The following MEI4 variants were observed in gnomAD, a reference collection of about 807,000 sequenced individuals.
MEI4 encodes meiosis-specific protein MEI4.
MEI4 carries 27 observed loss-of-function variants against 31.4 expected under a neutral mutation model. That is an observed-to-expected ratio of 0.86 (90% CI 0.63 to 1.19). The LOEUF (loss-of-function observed/expected upper bound fraction) is 1.19, where lower values mean the gene tolerates loss of function less well. Among genes scored for constraint, MEI4 ranks in the 50% most tolerant of loss-of-function variants. The pLI is 0.00. For synonymous variants in MEI4, 122 were observed against 145.4 expected, an observed-to-expected ratio of 0.84 and a Z score of 1.16; for missense variants, 329 against 398.9, an observed-to-expected ratio of 0.82 and a Z score of 1.49.
At chr6:77,730,438 G>C (rs1219928183) in intron 2 of MEI4, among the ~76,000 whole-genome samples, 1 of 151,902 alleles carries the variant, frequency 6.6e-6, no homozygotes, top group Non-Finnish European at 1.5e-5. Flanking sequence ...TTAGGACTAT[G>C]TTTTCACTAT....
chr6:77,853,666 A>G (rs986645421), intron 4 of MEI4, among the ~76,000 whole-genome samples: 6 of 152,176 alleles, frequency 3.9e-5, no homozygotes, highest in African/African-American at 1.4e-4. Context: ...GTTGAGGTTT[A>G]GTATTTCAGA....
At chr6:77,698,352 C>T (rs1346040376) in intron 2 of MEI4, among the ~76,000 whole-genome samples, 1 of 152,178 alleles carries the variant, frequency 6.6e-6, no homozygotes, top group Non-Finnish European at 1.5e-5. Flanking sequence ...GATGCAGTTT[C>T]TTCCTAGCCT....
At chr6:77,898,718 A>G (rs1248094679) in intron 4 of MEI4, among the ~76,000 whole-genome samples, 1 of 152,068 alleles carries the variant, frequency 6.6e-6, no homozygotes, top group African/African-American at 2.4e-5. Context: ...ACAGCATTAA[A>G]TATAAACATC....
intron 2 of MEI4, among the ~76,000 whole-genome samples, chr6:77,749,419 C>G (rs778063246): frequency 6.6e-6 from 1 of 152,072 alleles, no homozygotes; most frequent in Non-Finnish European, 1.5e-5. Context: ...TAGAGAAGAA[C>G]ATAAATGACC....
intron 4 of MEI4, among the ~76,000 whole-genome samples, chr6:77,853,424 A>G (rs976098361): frequency 1.3e-5 from 2 of 152,216 alleles, no homozygotes; most frequent in African/African-American, 2.4e-5. Context: ...AGCAAAAACA[A>G]AAGTGCTATG....
At position 77,731,872 on chromosome 6, in the gene MEI4, T is replaced by A. The variant is rs551538138; in HGVS notation, c.233-29258T>A. On this transcript the variant is annotated intron_variant, in intron 2 of 4. Transcript: ENST00000684080. The stretch of plus-strand genomic sequence containing the variant: ...GGCTAGCCAGTTTTCCAGCACCATT[T>A]ATTAAATAGGGAATCCTTTCCCCAA... Among the ~76,000 whole-genome samples, 298 of 152,138 alleles carry A rather than the reference T, an allele frequency of 2.0e-3. 3 individuals carry two copies. Among genetic ancestry groups the A allele is most frequent in the South Asian group, 0.018 (87 of 4,826 alleles).
At chr6:77,755,567 C>T (rs1293927831) in intron 2 of MEI4, among the ~76,000 whole-genome samples, 1 of 151,984 alleles carries the variant, frequency 6.6e-6, no homozygotes, top group Non-Finnish European at 1.5e-5. Context: ...TACAGGCACA[C>T]ACCACCACAC....
At chr6:77,781,183 C>T (rs1582135077) in intron 3 of MEI4, among the ~76,000 whole-genome samples, 1 of 152,118 alleles carries the variant, frequency 6.6e-6, no homozygotes, top group East Asian at 1.9e-4. Context: ...TAGGTTTAAG[C>T]TACCATATCT....
At chr6:77,727,705 C>T (rs1166797271) in intron 2 of MEI4, among the ~76,000 whole-genome samples, 1 of 152,150 alleles carries the variant, frequency 6.6e-6, no homozygotes, top group Non-Finnish European at 1.5e-5. Flanking sequence ...TAAACAAAGC[C>T]TACATTTCAT....
At chr6:77,795,606 C>T (rs1769053065) in intron 3 of MEI4, among the ~76,000 whole-genome samples, 1 of 152,102 alleles carries the variant, frequency 6.6e-6, no homozygotes, top group African/African-American at 2.4e-5. Context: ...TTACCAATGA[C>T]ACCACAAAAA....
intron 2 of MEI4, among the ~76,000 whole-genome samples, chr6:77,716,125 T>G (rs892263117): frequency 6.6e-6 from 1 of 152,232 alleles, no homozygotes; most frequent in Admixed American, 6.5e-5. Flanking sequence ...AAAACAGATA[T>G]GGCACTTTCT....
rs372408943 is a variant in MEI4 at position 77,811,648 on chromosome 6, A to G, written c.769-17283A>G. On this transcript the variant is annotated intron_variant, in intron 3 of 4. Coordinates refer to ENST00000684080, the MANE Select transcript of MEI4 (RefSeq NM_001322247.2). ...AAATTAGCTGGGTGTGGTGGTGGAC[A>G]CCTTTAATCCCAGCTACTGAGGAGG... is the stretch of plus-strand genomic sequence containing the variant. 5.5e-4 allele frequency among the ~76,000 whole-genome samples: 84 copies of G among 151,940 alleles called. 2 individuals are homozygous for G. The highest frequency in any genetic ancestry group is 2.0e-3 in the African/African-American group (81 of 41,440).
intron 2 of MEI4, among the ~76,000 whole-genome samples, chr6:77,750,155 A>G (rs899028414): frequency 2.0e-5 from 3 of 152,220 alleles, no homozygotes; most frequent in Non-Finnish European, 4.4e-5. Context: ...GGTACCAGTC[A>G]CTGCAAAAAC....
At chr6:77,663,748 TGA>T (rs1188019627) in intron 1 of MEI4, among the ~76,000 whole-genome samples, 2 of 152,074 alleles carry the variant, frequency 1.3e-5, no homozygotes, top group Non-Finnish European at 2.9e-5. Context: ...CCTTCCACTG[TGA>T]GAGTTACCCG....
intron 3 of MEI4, among the ~76,000 whole-genome samples, chr6:77,764,553 G>A (rs1768122011): frequency 2.0e-5 from 3 of 152,076 alleles, no homozygotes; most frequent in Non-Finnish European, 4.4e-5. Flanking sequence ...GGAACATCCA[G>A]ACAGAAAAAT....
At chr6:77,676,449 C>T (rs1768847119) in intron 1 of MEI4, among the ~76,000 whole-genome samples, 1 of 152,016 alleles carries the variant, frequency 6.6e-6, no homozygotes, top group Non-Finnish European at 1.5e-5. Flanking sequence ...ATTGCTTGAG[C>T]CTAGGAGACT....
At chr6:77,861,918 T>C (rs976606720) in intron 4 of MEI4, among the ~76,000 whole-genome samples, 2 of 152,158 alleles carry the variant, frequency 1.3e-5, no homozygotes, top group Admixed American at 6.5e-5. Flanking sequence ...TTAGACCATA[T>C]GGTTGTTTGT....
intron 4 of MEI4, among the ~76,000 whole-genome samples, chr6:77,881,527 C>T (rs1237753301): frequency 4.6e-5 from 7 of 152,326 alleles, no homozygotes; most frequent in Admixed American, 2.0e-4. Context: ...AAACACATAG[C>T]TAGTTGCATT....
At chr6:77,700,571 G>T (rs1284208363) in intron 2 of MEI4, among the ~76,000 whole-genome samples, 1 of 152,118 alleles carries the variant, frequency 6.6e-6, no homozygotes. Flanking sequence ...GCCCTGCTTC[G>T]GCTCACATAC....
Sources: gnomAD v4.1 joint callset for allele counts (sites outside exome capture counted in the v4.1 genomes callset) on GRCh38, gnomAD v4.1.1 for gene constraint, MANE v1.5 for transcripts, NCBI Gene and HGNC (gene_info 2026-07-23, HGNC 2026-07-21) for gene names.